KCNH4: variants seen among roughly 807,000 people sequenced by gnomAD.
KCNH4 encodes voltage-gated delayed rectifier potassium channel KCNH4.
Under a neutral mutation model 90.7 loss-of-function variants are expected in KCNH4, and 33 were observed. The ratio of observed to expected loss-of-function variants is 0.36; its 90% CI spans 0.28 to 0.49. The LOEUF is 0.49. Among genes scored for constraint, KCNH4 ranks in the 20% least tolerant of loss-of-function variants. The pLI, the probability that KCNH4 is intolerant of heterozygous loss-of-function variation, is 0.98. For synonymous variants in KCNH4, 551 were observed against 581.7 expected (o/e 0.95, Z 0.76); for missense variants, 1,044 against 1,387.1 (o/e 0.75, Z 3.93).
chr17:42,164,079 T>A (rs1443120691), intron 12 of KCNH4, 51 bp downstream of exon 12: 2 of 1,538,734 alleles, frequency 1.3e-6, no homozygotes, highest in South Asian at 1.2e-5. Flanking sequence ...CTGCTACCCA[T>A]CTCACCCTCT....
Position 42,169,573 on chromosome 17 carries a change from G to A in KCNH4, c.1494C>T (p.Phe498=). ...YHSRMKDLKD[F]IRVHRLPRPL... Reference sequence around the variant, plus strand: ...GCCGCGGCAGGCGGTGCACACGGATGAAGTCCTTGAGGTCCTTCATGCGGC... The same window carrying A: ...GCCGCGGCAGGCGGTGCACACGGATAAAGTCCTTGAGGTCCTTCATGCGGC... The change falls in exon 9 of 17, where the codon TTC becomes TTT. Residue 498 remains phenylalanine (F), a synonymous_variant. Coordinates refer to ENST00000264661, the MANE Select transcript of KCNH4 (RefSeq NM_012285.3). 1 of 1,613,882 alleles carries A rather than the reference G, an allele frequency of 6.2e-7. No homozygotes were observed. Among genetic ancestry groups the A allele is most frequent in the Non-Finnish European group, 8.5e-7 (1 of 1,180,012 alleles).
chr17:42,178,524 G>A (rs1259168302), intron 2 of KCNH4, 47 bp from the exon 3 acceptor site: 3 of 1,604,276 alleles, frequency 1.9e-6, no homozygotes, highest in Admixed American at 1.7e-5. Context: ...CAGCCCCATG[G>A]CATGCCTTTC....
chr17:42,174,272 A>G (rs2079847370), intron 6 of KCNH4, among the ~76,000 whole-genome samples: 1 of 152,162 alleles, frequency 6.6e-6, no homozygotes, highest in Non-Finnish European at 1.5e-5. Context: ...CTGAAAAAGG[A>G]TAAGCCTCTG....
rs2079891425 is a variant in KCNH4 at position 42,180,196 on chromosome 17, C to T, written c.76+674G>A. ...CCGGCCAGGGTTCCCGAGGGAATGG[C>T]GGGGTTGGGGGAGGTGAGGGCGGGG... On this transcript the variant is annotated intron_variant, in intron 1 of 16. Coordinates refer to ENST00000264661, the MANE Select transcript of KCNH4 (RefSeq NM_012285.3). This position sits in a 1 kb window ranked among gnomAD's most constrained non-coding sequence, Gnocchi z 4.7. 6.6e-6 allele frequency among the ~76,000 whole-genome samples: 1 copy of T among 151,760 alleles called. No homozygotes were observed. The highest frequency in any genetic ancestry group is 1.5e-5 in the Non-Finnish European group (1 of 67,908).
chr17:42,161,110 A>G (rs1256451258), intron 15 of KCNH4, among the ~76,000 whole-genome samples: 1 of 151,540 alleles, frequency 6.6e-6, no homozygotes, highest in Admixed American at 6.6e-5. Context: ...TCGTATTCTT[A>G]GTAGAGACAG....
Position 42,175,643 on chromosome 17 carries a change from C to A in KCNH4, c.923G>T (p.Trp308Leu), listed in dbSNP as rs754576008. The A allele has an allele frequency of 1.2e-6, 2 of 1,614,132 alleles. No homozygotes were observed. The highest frequency in any genetic ancestry group is 1.7e-6 in the Non-Finnish European group (2 of 1,180,034). The part of the protein sequence containing the change: ...RSIGLHYLAT[W>L]FFIDLIAALP... Reference sequence around the variant, plus strand: ...AGCAGCAATAAGGTCGATGAAGAACCAGGTGGCCAGGTAGTGGAGGCCAAT... The same window carrying A: ...AGCAGCAATAAGGTCGATGAAGAACAAGGTGGCCAGGTAGTGGAGGCCAAT... Residue 308 changes from tryptophan (W) to leucine (L), a missense_variant, in exon 6 of 17, where the codon TGG (tryptophan) becomes TTG (leucine). Physicochemically the swap from Trp to Leu is moderately conservative, Grantham distance 61 (BLOSUM62 -2). Around this residue, in one of 4 missense-constraint regions of KCNH4, gnomAD observed 318 missense variants for 479.6 expected, o/e 0.66. Transcript: ENST00000264661.
chr17:42,178,698 G>T, intron 2 of KCNH4, 95 bp downstream of exon 2: 1 of 1,223,962 alleles, frequency 8.2e-7, no homozygotes, highest in Non-Finnish European at 1.2e-6. Flanking sequence ...TTTTGGCAGT[G>T]TGGGGACAAG....
In KCNH4 at chr17:42,180,392, T is replaced by C. The variant is rs1244957457; in HGVS notation, c.76+478A>G. ...CTCCTGCCTCACCCACCTTAGACAC[T>C]GACGCCCCACGATTTGGGGGCGCGC... On this transcript the variant is annotated intron_variant, in intron 1 of 16. Coordinates refer to ENST00000264661, the MANE Select transcript of KCNH4 (RefSeq NM_012285.3). The surrounding 1 kb of genome is among the most constrained non-coding windows in gnomAD (Gnocchi z 4.7). Among the ~76,000 whole-genome samples, 1 of 152,048 alleles carries C rather than the reference T, an allele frequency of 6.6e-6. No homozygotes were observed. Among genetic ancestry groups the C allele is most frequent in the African/African-American group, 2.4e-5 (1 of 41,406 alleles).
Position 42,159,822 on chromosome 17 carries a change from C to T in KCNH4, c.*218G>A, listed in dbSNP as rs1030242131. The stretch of plus-strand genomic sequence containing the variant: ...CTCATGCCTGCTGGGTTCCACAGCC[C>T]TCAGGTGGCTCCCCTCACAGAGGGG... On this transcript the variant is annotated 3_prime_UTR_variant, in exon 16 of 17. Coordinates refer to ENST00000264661, the MANE Select transcript of KCNH4 (RefSeq NM_012285.3). 4.8e-6 allele frequency: 2 copies of T among 417,594 alleles called. No individual in the cohort carries two copies. The highest frequency in any genetic ancestry group is 4.1e-5 in the African/African-American group (2 of 49,060). 25.9% of individuals were successfully genotyped at this position (417,594 alleles called of 1,614,324 possible).
intron 10 of KCNH4, 113 bp from the exon 11 acceptor site, chr17:42,165,806 G>A: frequency 7.8e-7 from 1 of 1,277,128 alleles, no homozygotes; most frequent in Non-Finnish European, 1.1e-6. Context: ...ATGGTTGAAG[G>A]TGGGCCAGTC....
intron 7 of KCNH4, 110 bp downstream of exon 7, chr17:42,171,678 G>T: frequency 2.1e-6 from 2 of 972,402 alleles, no homozygotes; most frequent in African/African-American, 1.6e-5. Flanking sequence ...CATGTTTGTT[G>T]GATGGATAGA....
intron 4 of KCNH4, among the ~76,000 whole-genome samples, chr17:42,177,173 C>T (rs2079867959): frequency 6.6e-6 from 1 of 152,224 alleles, no homozygotes; most frequent in South Asian, 2.1e-4. Flanking sequence ...CTTCAGCCTT[C>T]CAAGTAGCTG....
chr17:42,179,912 C>G (rs1475877596), intron 1 of KCNH4, among the ~76,000 whole-genome samples: 1 of 152,220 alleles, frequency 6.6e-6, no homozygotes, highest in Non-Finnish European at 1.5e-5. Flanking sequence ...CATCCAGGGA[C>G]AGAGACTCAG....
At position 42,180,620 on chromosome 17, in the gene KCNH4, G is replaced by A. The variant is rs1322566293; in HGVS notation, c.76+250C>T. Among the ~76,000 whole-genome samples, 1 of 151,786 alleles carries A rather than the reference G, an allele frequency of 6.6e-6. No homozygotes were observed. Among genetic ancestry groups the A allele is most frequent in the African/African-American group, 2.4e-5 (1 of 41,272 alleles). ...CCGAAGGACCCTCCTCCGCTCTGCC[G>A]CACAAAGAGCCTCTTCTGCCTCGAG... On this transcript the variant is annotated intron_variant, in intron 1 of 16. Coordinates refer to ENST00000264661, the MANE Select transcript of KCNH4 (RefSeq NM_012285.3). This position sits in a 1 kb window ranked among gnomAD's most constrained non-coding sequence, Gnocchi z 4.7.
chr17:42,161,720 C>T (rs565740349), intron 15 of KCNH4, among the ~76,000 whole-genome samples: 9 of 152,250 alleles, frequency 5.9e-5, no homozygotes, highest in Admixed American at 2.0e-4. Context: ...TTGAGCCAGT[C>T]GGGGAGGAAG....
intron 10 of KCNH4, 102 bp from the exon 11 acceptor site, chr17:42,165,795 G>C: frequency 1.4e-6 from 2 of 1,411,170 alleles, no homozygotes; most frequent in Non-Finnish European, 9.9e-7. Flanking sequence ...GTGTTTGAAG[G>C]ATGGTTGAAG....
In KCNH4 at chr17:42,163,355, A is replaced by G. The variant is rs1199401651; in HGVS notation, c.2478-21T>C. ...CTATCCTGGGAACAGGGCAGTGCTC[A>G]TCAGCACCATGGGGTGAGGGTAAGG... On this transcript the variant is annotated intron_variant, in intron 13 of 16. Coordinates refer to ENST00000264661, the MANE Select transcript of KCNH4 (RefSeq NM_012285.3). This position sits in a 1 kb window ranked among gnomAD's most constrained non-coding sequence, Gnocchi z 5.4. 5 of 1,558,196 alleles carry G rather than the reference A, an allele frequency of 3.2e-6. No homozygotes were observed. The highest frequency in any genetic ancestry group is 4.4e-6 in the Non-Finnish European group (5 of 1,129,758).
At chr17:42,160,884 A>G (rs2079741784) in intron 15 of KCNH4, among the ~76,000 whole-genome samples, 1 of 147,978 alleles carries the variant, frequency 6.8e-6, no homozygotes, top group Non-Finnish European at 1.5e-5. Context: ...AGAAATCTGC[A>G]TTTAATAGGT....
chr17:42,160,142 T>G lies in KCNH4; in HGVS notation c.2952A>C (p.Ser984=), dbSNP rs1276792010. ...LRPSILPPYP[S]EPDPLGPSPV... ...GAGAGGGTCCCAGAGGGTCAGGCTC[T>G]GAGGGGTAGGGGGGCAATATGGAAG... Residue 984 remains serine (S), a synonymous_variant, in exon 16 of 17, where the codon TCA becomes TCC. Transcript: ENST00000264661. 2 of 1,610,684 alleles carry G rather than the reference T, an allele frequency of 1.2e-6. No individual in the cohort carries two copies. The highest frequency in any genetic ancestry group is 1.7e-6 in the Non-Finnish European group (2 of 1,178,096).
Sources: allele counts gnomAD v4.1 joint callset (sites outside exome capture counted in the v4.1 genomes callset), GRCh38; gene constraint gnomAD v4.1.1; regional missense constraint gnomAD v4.1.1; non-coding constraint Gnocchi (gnomAD v3.1); transcripts MANE v1.5; gene names NCBI Gene and HGNC (gene_info 2026-07-23, HGNC 2026-07-21).